SPINK6: variants seen among roughly 807,000 people sequenced by gnomAD.
SPINK6 encodes the protein serine peptidase inhibitor Kazal type 6.
In SPINK6, 13 loss-of-function variants were observed where a neutral mutation model predicts 11.7. That is an observed-to-expected ratio of 1.11 (90% CI 0.72 to 1.76). SPINK6 has a LOEUF of 1.76. SPINK6 is among the 40% of genes most tolerant of loss of function. The pLI is 0.00. For synonymous variants in SPINK6, 21 were observed against 31.9 expected, an observed-to-expected ratio of 0.66 and a Z score of 1.15; for missense variants, 98 against 93.7, an observed-to-expected ratio of 1.05 and a Z score of -0.19.
chr5:148,208,377 A>G (rs532850585), intron 2 of SPINK6, among the ~76,000 whole-genome samples: 1 of 152,166 alleles, frequency 6.6e-6, no homozygotes, highest in African/African-American at 2.4e-5. Context: ...TTTCAATGCC[A>G]GCAGAAGACA....
At chr5:148,203,740 T>C (rs985907573) in intron 1 of SPINK6, among the ~76,000 whole-genome samples, 3 of 152,162 alleles carry the variant, frequency 2.0e-5, no homozygotes, top group Non-Finnish European at 4.4e-5. Flanking sequence ...TGCAGAAACA[T>C]ATGTTTCTGG....
chr5:148,210,037 C>A (rs566547832), intron 2 of SPINK6, among the ~76,000 whole-genome samples: 3 of 26,030 alleles, frequency 1.2e-4, no homozygotes, highest in African/African-American at 1.8e-4. Flanking sequence ...CATGCACAAA[C>A]GTATGTATGC....
At chr5:148,210,238 A>ATGTATTTCTGCATG (rs1755571469) in intron 2 of SPINK6, among the ~76,000 whole-genome samples, 1 of 106,046 alleles carries the variant, frequency 9.4e-6, no homozygotes, top group African/African-American at 3.5e-5. Context: ...CTGCATGCAT[A>ATGTATTTCTGCATG]CGTATGTATT....
intron 2 of SPINK6, among the ~76,000 whole-genome samples, chr5:148,210,200 A>ATACG (rs368892377): frequency 2.7e-3 from 74 of 27,904 alleles, no homozygotes; most frequent in Non-Finnish European, 0.013. Context: ...TTCTGCATGC[A>ATACG]TATGTATTTC....
chr5:148,212,356 A>G (rs947524000), intron 2 of SPINK6, among the ~76,000 whole-genome samples: 1 of 150,260 alleles, frequency 6.7e-6, no homozygotes, highest in Non-Finnish European at 1.5e-5. Flanking sequence ...AGGTAATAAA[A>G]AGACATAGAT....
intron 1 of SPINK6, among the ~76,000 whole-genome samples, chr5:148,204,825 G>C (rs570515562): frequency 6.6e-6 from 1 of 152,236 alleles, no homozygotes; most frequent in South Asian, 2.1e-4. Flanking sequence ...TCCTACGTAT[G>C]AGACATTAGG....
intron 3 of SPINK6, among the ~76,000 whole-genome samples, chr5:148,214,536 A>G (rs111596274): frequency 2.0e-5 from 3 of 152,260 alleles, no homozygotes; most frequent in African/African-American, 7.2e-5. Context: ...AAAATGTCAA[A>G]CGCCTGAATA....
At chr5:148,206,896 G>C (rs1462209104) in intron 2 of SPINK6, among the ~76,000 whole-genome samples, 1 of 152,124 alleles carries the variant, frequency 6.6e-6, no homozygotes, top group African/African-American at 2.4e-5. Context: ...CTAACTAATT[G>C]GAGTTGGCAA....
At chr5:148,214,488 G>A (rs558568899) in intron 3 of SPINK6, among the ~76,000 whole-genome samples, 1 of 152,232 alleles carries the variant, frequency 6.6e-6, no homozygotes, top group Admixed American at 6.5e-5. Flanking sequence ...ATTAATAGAT[G>A]CATATTACTG....
chr5:148,210,014 G>GTATGTA (rs1554112283), intron 2 of SPINK6, among the ~76,000 whole-genome samples: 3 of 12,498 alleles, frequency 2.4e-4, no homozygotes, highest in Non-Finnish European at 8.3e-4. Context: ...ATACATGTAT[G>GTATGTA]TACGCATGTA....
chr5:148,210,234 G>A (rs1337526257), intron 2 of SPINK6, among the ~76,000 whole-genome samples: 2 of 77,916 alleles, frequency 2.6e-5, no homozygotes, highest in African/African-American at 8.0e-5. Flanking sequence ...ATTTCTGCAT[G>A]CATACGTATG....
chr5:148,202,817 G>A (rs886277474), upstream of SPINK6: 7 of 321,560 alleles, frequency 2.2e-5, no homozygotes, highest in Non-Finnish European at 3.9e-5. Flanking sequence ...AGAAAGAAGA[G>A]CCGGGAGGAT....
rs142956505 is a variant in SPINK6, at chr5:148,211,399, T to C, written c.82-2511T>C. 3.6e-3 allele frequency among the ~76,000 whole-genome samples: 545 copies of C among 152,272 alleles called. 2 individuals carry two copies. The highest frequency in any genetic ancestry group is 0.012 in the African/African-American group (513 of 41,546). On this transcript the variant is annotated intron_variant, in intron 2 of 3. Transcript: ENST00000325630. ...CATGGTGTTGATGATTTTCTATGAG[T>C]TACAGAGATCTTTTAGAGCTACTGT...
chr5:148,208,389 TG>T (rs1755527260), intron 2 of SPINK6, among the ~76,000 whole-genome samples: 1 of 152,140 alleles, frequency 6.6e-6, no homozygotes, highest in East Asian at 1.9e-4. Flanking sequence ...CAGAAGACAT[TG>T]AAACTATCAT....
chr5:148,209,655 G>T (rs1755542922), intron 2 of SPINK6, among the ~76,000 whole-genome samples: 1 of 152,024 alleles, frequency 6.6e-6, no homozygotes, highest in Non-Finnish European at 1.5e-5. Flanking sequence ...CGAAATTAAG[G>T]AGATAAAAAC....
At chr5:148,211,996 A>C (rs1371118132) in intron 2 of SPINK6, among the ~76,000 whole-genome samples, 1 of 152,110 alleles carries the variant, frequency 6.6e-6, no homozygotes, top group Non-Finnish European at 1.5e-5. Flanking sequence ...TTCATTCCAC[A>C]CAGATATATT....
chr5:148,213,775 T>C lies in SPINK6; in HGVS notation c.82-135T>C, dbSNP rs996953957. 5.1e-6 allele frequency: 3 copies of C among 589,512 alleles called. No individual in the cohort carries two copies. The East Asian group carries it at 8.4e-5, about 17-fold the overall frequency. The allele number at this position is 589,512 out of a possible 1,614,324, so 36.5% of individuals were successfully genotyped here. A position where few individuals can be genotyped will look rare whatever the true frequency, so the allele number is the denominator to read the frequency against. On this transcript the variant is annotated intron_variant, in intron 2 of 3. Coordinates refer to ENST00000325630, the MANE Select transcript of SPINK6 (RefSeq NM_205841.4). Reference sequence around the variant, plus strand: ...GTAGAATACATCAGATAAGGAGAGCTATTTTATATTTCAGAATGCTTTATG... The same window carrying C: ...GTAGAATACATCAGATAAGGAGAGCCATTTTATATTTCAGAATGCTTTATG...
At chr5:148,209,991 T>C (rs1275949990) in intron 2 of SPINK6, among the ~76,000 whole-genome samples, 2 of 145,404 alleles carry the variant, frequency 1.4e-5, no homozygotes, top group African/African-American at 2.5e-5. Flanking sequence ...TATGTATACA[T>C]ATACACGTAT....
chr5:148,214,823 C>A, intron 3 of SPINK6, 82 bp from the exon 4 acceptor site: 2 of 1,034,960 alleles, frequency 1.9e-6, no homozygotes, highest in Non-Finnish European at 2.9e-6. Flanking sequence ...ATGGACCATG[C>A]CATTGTTAAA....
Sources: allele counts gnomAD v4.1 joint callset (sites outside exome capture counted in the v4.1 genomes callset), GRCh38; gene constraint gnomAD v4.1.1; transcripts MANE v1.5; gene names NCBI Gene and HGNC (gene_info 2026-07-23, HGNC 2026-07-21).